The following TBC1D22A variants were observed in gnomAD, a reference collection of about 807,000 sequenced individuals.
TBC1D22A encodes the protein putative GTPase activator.
Under a neutral mutation model 60.2 loss-of-function variants are expected in TBC1D22A, and 38 were observed. The ratio of observed to expected loss-of-function variants is 0.63; its 90% CI spans 0.49 to 0.83. The LOEUF (loss-of-function observed/expected upper bound fraction) is 0.83. Ranked by LOEUF, TBC1D22A falls within the 40% of genes least tolerant of loss-of-function variation. The pLI, the probability that TBC1D22A is intolerant of heterozygous loss-of-function variation, is 0.00. For missense variants in TBC1D22A, 628 were observed against 701.0 expected (o/e 0.90, Z 1.18); for synonymous variants, 302 against 281.7 (o/e 1.07, Z -0.72).
intron 8 of TBC1D22A, among the ~76,000 whole-genome samples, chr22:46,962,229 C>T (rs780621650): frequency 3.3e-5 from 5 of 152,204 alleles, no homozygotes; most frequent in African/African-American, 7.2e-5. Context: ...GAATCAAAGA[C>T]GGATTTAAGA....
intron 10 of TBC1D22A, among the ~76,000 whole-genome samples, chr22:47,018,076 A>G (rs1054085529): frequency 2.0e-5 from 3 of 152,148 alleles, no homozygotes; most frequent in Non-Finnish European, 4.4e-5. Context: ...TGCCCCAGAG[A>G]TTGCTCAGGC....
intron 9 of TBC1D22A, among the ~76,000 whole-genome samples, chr22:46,991,608 T>C (rs983568189): frequency 6.6e-6 from 1 of 152,156 alleles, no homozygotes; most frequent in Non-Finnish European, 1.5e-5. Context: ...ATTACGGCAG[T>C]TGCCTCGTGA....
At chr22:46,905,495 C>G (rs2069397161) in intron 7 of TBC1D22A, among the ~76,000 whole-genome samples, 1 of 152,226 alleles carries the variant, frequency 6.6e-6, no homozygotes, top group African/African-American at 2.4e-5. Context: ...TCCTGAGTAG[C>G]CATCCCCTGG....
chr22:46,799,726 A>G (rs919707370), intron 4 of TBC1D22A, among the ~76,000 whole-genome samples: 6 of 152,194 alleles, frequency 3.9e-5, no homozygotes, highest in African/African-American at 1.4e-4. Context: ...ATTTTGTGGG[A>G]TGTCCCTTGG....
At chr22:47,032,081 G>C (rs529670724) in intron 10 of TBC1D22A, among the ~76,000 whole-genome samples, 153 of 152,356 alleles carry the variant, frequency 1.0e-3, no homozygotes, top group Non-Finnish European at 1.9e-3. Flanking sequence ...TGTTTTCCCA[G>C]GTGGGGACAT....
At chr22:46,771,492 C>T (rs1207802367) in intron 1 of TBC1D22A, among the ~76,000 whole-genome samples, 1 of 152,068 alleles carries the variant, frequency 6.6e-6, no homozygotes, top group Non-Finnish European at 1.5e-5. Context: ...ACACTGAACC[C>T]AGTCTTTTAT....
chr22:46,796,470 A>C (rs2084659199), intron 3 of TBC1D22A, among the ~76,000 whole-genome samples: 1 of 151,906 alleles, frequency 6.6e-6, no homozygotes, highest in Non-Finnish European at 1.5e-5. Flanking sequence ...CATTTCCTGG[A>C]GTTTATTTTT....
intron 8 of TBC1D22A, chr22:46,913,524 A>C (rs1439099165): frequency 2.4e-6 from 3 of 1,269,388 alleles, no homozygotes; most frequent in African/African-American, 1.5e-5. Context: ...TTGCTAAGCA[A>C]CTAATGAGAG....
At chr22:46,903,024 A>G (rs2069120136) in intron 7 of TBC1D22A, among the ~76,000 whole-genome samples, 2 of 152,208 alleles carry the variant, frequency 1.3e-5, no homozygotes, top group South Asian at 4.1e-4. Flanking sequence ...GGTCATGCCC[A>G]ATTGCTGGGG....
intron 11 of TBC1D22A, 46 bp from the exon 12 acceptor site, chr22:47,111,462 G>A (rs2065842767): frequency 6.4e-7 from 1 of 1,555,636 alleles, no homozygotes; most frequent in Admixed American, 1.7e-5. Flanking sequence ...TGATGTTAAT[G>A]GGTCACGCGT....
In TBC1D22A at chr22:46,846,765, G is replaced by A. The variant is rs144585651; in HGVS notation, c.638-31888G>A. On this transcript the variant is annotated intron_variant, in intron 4 of 12. Coordinates refer to ENST00000337137, the MANE Select transcript of TBC1D22A (RefSeq NM_014346.5). ...CAGCCTCTCATCTTCACCCGGATTC[G>A]GCGGGTATCAAGATATGCCACCAGC... Among the ~76,000 whole-genome samples the A allele has an allele frequency of 1.0e-3, 157 of 151,474 alleles. 1 individual carries two copies. Among genetic ancestry groups the A allele is most frequent in the Admixed American group, 3.6e-3 (54 of 15,204 alleles).
intron 4 of TBC1D22A, among the ~76,000 whole-genome samples, chr22:46,867,536 A>C (rs2067113339): frequency 6.6e-6 from 1 of 152,240 alleles, no homozygotes; most frequent in South Asian, 2.1e-4. Flanking sequence ...CCAGTTGTTA[A>C]CCATTGGAAG....
At chr22:46,877,679 A>G (rs1197503517) in intron 4 of TBC1D22A, among the ~76,000 whole-genome samples, 2 of 152,238 alleles carry the variant, frequency 1.3e-5, no homozygotes, top group Non-Finnish European at 2.9e-5. Context: ...TTATATTAGC[A>G]AAGTCTTCTC....
chr22:46,897,701 G>C (rs1424776751), intron 7 of TBC1D22A, among the ~76,000 whole-genome samples: 1 of 143,418 alleles, frequency 7.0e-6, no homozygotes, highest in Non-Finnish European at 1.5e-5. Flanking sequence ...ATTGGCCTTA[G>C]GTTACCTGCC....
In TBC1D22A at chr22:46,980,502, T is replaced by G. The variant is rs181950562; in HGVS notation, c.1125+6103T>G. ...CCGGCTAGAAATCACAGATTTTAAA[T>G]GGAACCAAACAGAACTTCTAGCATC... On this transcript the variant is annotated intron_variant, in intron 9 of 12. Transcript: ENST00000337137. 2.0e-5 allele frequency among the ~76,000 whole-genome samples: 3 copies of G among 152,330 alleles called. No individual in the cohort carries two copies. The East Asian group carries it at 5.8e-4, about 29-fold the overall frequency.
chr22:46,991,507 T>C (rs961702722), intron 9 of TBC1D22A, among the ~76,000 whole-genome samples: 4 of 152,226 alleles, frequency 2.6e-5, no homozygotes, highest in Admixed American at 6.5e-5. Flanking sequence ...TTCAGGTGCA[T>C]GAGCCGAGCA....
intron 4 of TBC1D22A, among the ~76,000 whole-genome samples, chr22:46,847,575 G>A (rs918147597): frequency 2.6e-5 from 4 of 152,248 alleles, no homozygotes; most frequent in African/African-American, 9.6e-5. Flanking sequence ...CTGTGTGGAC[G>A]TGTCTGTAGG....
intron 11 of TBC1D22A, among the ~76,000 whole-genome samples, chr22:47,062,863 C>A (rs1048959715): frequency 4.6e-5 from 7 of 152,110 alleles, no homozygotes; most frequent in African/African-American, 1.7e-4. Flanking sequence ...CCATTCCAAG[C>A]AGAGGAAGAA....
intron 4 of TBC1D22A, among the ~76,000 whole-genome samples, chr22:46,839,681 A>G (rs1374971401): frequency 6.6e-6 from 1 of 152,200 alleles, no homozygotes; most frequent in East Asian, 1.9e-4. Flanking sequence ...CACCCCACTT[A>G]TTGATTTCAA....
Sources: allele counts gnomAD v4.1 joint callset (sites outside exome capture counted in the v4.1 genomes callset), GRCh38; gene constraint gnomAD v4.1.1; transcripts MANE v1.5; gene names NCBI Gene and HGNC (gene_info 2026-07-23, HGNC 2026-07-21).